The following CDC45 variants were observed in gnomAD, a reference collection of about 807,000 sequenced individuals.
CDC45 encodes cell division cycle 45.
Under a neutral mutation model 77.8 loss-of-function variants are expected in CDC45, and 54 were observed. The ratio of observed to expected loss-of-function variants is 0.69; its 90% CI spans 0.56 to 0.87. CDC45 has a LOEUF of 0.87. Among genes scored for constraint, CDC45 ranks in the 40% least tolerant of loss-of-function variants. The probability of loss-of-function intolerance (pLI) is 0.00; values close to 1 mark genes in which losing one functional copy is unlikely to be tolerated. For synonymous variants in CDC45, 260 were observed against 272.1 expected, an observed-to-expected ratio of 0.96 and a Z score of 0.44; for missense variants, 649 against 721.6, an observed-to-expected ratio of 0.90 and a Z score of 1.15.
intron 10 of CDC45, 48 bp from the exon 11 acceptor site, chr22:19,507,338 C>T (rs2146413384): frequency 6.2e-7 from 1 of 1,600,966 alleles, no homozygotes. Flanking sequence ...TACGAGAGTG[C>T]TCAGGGCGGC....
intron 7 of CDC45, 21 bp downstream of exon 7, chr22:19,496,050 C>T: frequency 6.4e-7 from 1 of 1,556,848 alleles, no homozygotes; most frequent in South Asian, 1.1e-5. Context: ...ATAGGTGGAA[C>T]TCACTATAAA....
rs1162888615 is a variant in CDC45 at position 19,484,000 on chromosome 22, G to C, written c.481G>C (p.Glu161Gln). ...GCCTTCTGAGAAGCGCACACGGTTA[G>C]AAGAGGTGAGTTTGGGTCTCTCACA... ...SEPSEKRTRL[E>Q]EEIVEQTMRR... is the part of the protein sequence containing the mutation. The change falls in exon 5 of 19, where the codon GAA becomes CAA. Residue 161 changes from glutamate (E) to glutamine (Q), a missense_variant. Physicochemically the swap from Glu to Gln is conservative, Grantham distance 29. Transcript: ENST00000263201. The C allele has an allele frequency of 6.3e-7, 1 of 1,598,900 alleles. No homozygotes were observed.
At chr22:19,493,425 TG>T (rs1484348820) in intron 5 of CDC45, among the ~76,000 whole-genome samples, 1 of 59,654 alleles carries the variant, frequency 1.7e-5, no homozygotes, top group African/African-American at 6.7e-5. Context: ...AGTCTTACTT[TG>T]TTTTTTTTTT....
At position 19,518,889 on chromosome 22, in the gene CDC45, T is replaced by A. The variant is rs1237041271; in HGVS notation, c.1682T>A (p.Leu561His). 6.2e-7 allele frequency: 1 copy of A among 1,614,048 alleles called. No homozygotes were observed. Among genetic ancestry groups the A allele is most frequent in the Non-Finnish European group, 8.5e-7 (1 of 1,179,930 alleles). The change falls in exon 18 of 19, where the codon CTT becomes CAT. Residue 561 changes from leucine to histidine, a missense_variant. Physicochemically the swap from Leu to His is moderately conservative, Grantham distance 99 (BLOSUM62 -3). Transcript: ENST00000263201. ...GATCGGAGCAAGTTTCTGGACGCAC[T>A]TATTTCCCTCCTGTCCTAGGGTGAG... ...AEDRSKFLDA[L>H]ISLLS
chr22:19,483,994 C>T lies in CDC45; in HGVS notation c.475C>T (p.Arg159Trp), dbSNP rs373418450. 8.7e-6 allele frequency: 14 copies of T among 1,600,734 alleles called. No homozygotes were observed. The highest frequency in any genetic ancestry group is 1.1e-5 in the Non-Finnish European group (13 of 1,176,904). ...GTCAGAGCCTTCTGAGAAGCGCACA[C>T]GGTTAGAAGAGGTGAGTTTGGGTCT... The part of the protein sequence containing the change: ...DGSEPSEKRT[R>W]LEEEIVEQTM... Residue 159 changes from arginine to tryptophan, a missense_variant, in exon 5 of 19, where the codon CGG becomes TGG. Arg to Trp is a moderately radical substitution (Grantham distance 101). Coordinates refer to ENST00000263201, the MANE Select transcript of CDC45 (RefSeq NM_003504.5).
At chr22:19,481,736 A>G (rs1395955491) in intron 3 of CDC45, among the ~76,000 whole-genome samples, 1 of 151,914 alleles carries the variant, frequency 6.6e-6, no homozygotes, top group African/African-American at 2.4e-5. Flanking sequence ...TCATGGTGCA[A>G]TCTTGGCTCA....
chr22:19,518,524 C>G (rs1018929851), intron 17 of CDC45, among the ~76,000 whole-genome samples: 1 of 152,152 alleles, frequency 6.6e-6, no homozygotes, highest in Non-Finnish European at 1.5e-5. Flanking sequence ...ACTCTGGGGA[C>G]GGGGGTTCAT....
At chr22:19,505,940 G>C (rs563748382) in intron 10 of CDC45, among the ~76,000 whole-genome samples, 2 of 152,318 alleles carry the variant, frequency 1.3e-5, no homozygotes, top group African/African-American at 4.8e-5. Context: ...AGGAGGGGCT[G>C]GGGGACTGGC....
chr22:19,503,474 A>T (rs1302829640), intron 9 of CDC45, among the ~76,000 whole-genome samples: 2 of 152,192 alleles, frequency 1.3e-5, no homozygotes, highest in Admixed American at 6.5e-5. Context: ...AGTTGGGAGG[A>T]ATTACCTCCA....
intron 10 of CDC45, among the ~76,000 whole-genome samples, chr22:19,506,266 G>T (rs902295907): frequency 6.6e-6 from 1 of 152,158 alleles, no homozygotes; most frequent in African/African-American, 2.4e-5. Flanking sequence ...CGGAGCCTGG[G>T]GAGCGGGGTG....
intron 5 of CDC45, among the ~76,000 whole-genome samples, chr22:19,485,919 CA>C (rs1399605128): frequency 6.6e-5 from 10 of 152,172 alleles, no homozygotes; most frequent in African/African-American, 2.4e-4. Flanking sequence ...TCAAAAAAAA[CA>C]AAAACAGTTT....
In CDC45 at chr22:19,511,388, T is replaced by C. The variant is rs62222296; in HGVS notation, c.1217+2697T>C. Among the ~76,000 whole-genome samples, 346 of 148,886 alleles carry C rather than the reference T, an allele frequency of 2.3e-3. 2 individuals carry two copies. Among genetic ancestry groups the C allele is most frequent in the Non-Finnish European group, 3.9e-3 (263 of 67,698 alleles). The stretch of plus-strand genomic sequence containing the variant: ...CTCTGTTGCTCAAGCTGGAGTGCAG[T>C]GGTGCAGTCATGGCTCACTGCAGCC... On this transcript the variant is annotated intron_variant, in intron 13 of 18. Coordinates refer to ENST00000263201, the MANE Select transcript of CDC45 (RefSeq NM_003504.5).
chr22:19,489,818 A>AG (rs2090127716), intron 5 of CDC45, among the ~76,000 whole-genome samples: 1 of 152,156 alleles, frequency 6.6e-6, no homozygotes, highest in Non-Finnish European at 1.5e-5. Flanking sequence ...GGTGGTGTTG[A>AG]GTTCTGTTTG....
At position 19,505,464 on chromosome 22, in the gene CDC45, G is replaced by A. The variant is rs146045191; in HGVS notation, c.807G>A (p.Arg269=). The change falls in exon 10 of 19, where the codon CGG becomes CGA. Residue 269 remains arginine (R), a synonymous_variant. Coordinates refer to ENST00000263201, the MANE Select transcript of CDC45 (RefSeq NM_003504.5). ...ACACACTCTCCGTGGACTGCACACG[G>A]ATCTCCTTTGAGTATGAGTATCCTT... ...EENTLSVDCT[R]ISFEYDLRLV... 109 of 1,614,184 alleles carry A rather than the reference G, an allele frequency of 6.8e-5. No individual in the cohort carries two copies. The African/African-American group carries it at 1.1e-3, about 17-fold the overall frequency.
Position 19,514,784 on chromosome 22 carries a change from T to C in CDC45, c.1253T>C (p.Leu418Pro). Residue 418 changes from leucine (L) to proline (P), a missense_variant, in exon 14 of 19, where the codon CTC (leucine) becomes CCC (proline). Transcript: ENST00000263201. ...NLDKLYHGLE[L>P]AKKQLRATQQ... Reference sequence around the variant, plus strand: ...GACAAGCTGTACCATGGCCTGGAACTCGCCAAGAAGCAGCTGCGAGCCACC... The same window carrying C: ...GACAAGCTGTACCATGGCCTGGAACCCGCCAAGAAGCAGCTGCGAGCCACC... The C allele has an allele frequency of 6.2e-7, 1 of 1,613,884 alleles. No homozygotes were observed. Among genetic ancestry groups the C allele is most frequent in the Non-Finnish European group, 8.5e-7 (1 of 1,179,896 alleles).
chr22:19,480,974 G>C lies in CDC45; in HGVS notation c.133G>C (p.Val45Leu). The change falls in exon 3 of 19, where the codon GTG (valine) becomes CTG (leucine). Residue 45 changes from valine (V) to leucine (L), a missense_variant. Transcript: ENST00000263201. ...ILQALFQCDH[V>L]QYTLVPVSGW... ...CCAGGCCTTGTTCCAGTGTGACCAC[G>C]TGCAATATACGCTGGTTCCAGTTTC... The C allele has an allele frequency of 6.2e-7, 1 of 1,612,732 alleles. No homozygotes were observed. The highest frequency in any genetic ancestry group is 1.1e-5 in the South Asian group (1 of 90,898).
intron 7 of CDC45, 64 bp from the exon 8 acceptor site, chr22:19,497,322 C>A: frequency 6.7e-7 from 1 of 1,488,080 alleles, no homozygotes; most frequent in Non-Finnish European, 9.4e-7. Flanking sequence ...TCCAGTCTGG[C>A]TGCATGGCCC....
chr22:19,517,258 G>C (rs984206285), intron 17 of CDC45, among the ~76,000 whole-genome samples: 1 of 152,198 alleles, frequency 6.6e-6, no homozygotes, highest in Non-Finnish European at 1.5e-5. Context: ...TGAGGGAACA[G>C]CAGGGCCCGT....
intron 9 of CDC45, among the ~76,000 whole-genome samples, chr22:19,504,780 G>A (rs539683630): frequency 1.6e-4 from 25 of 152,248 alleles, no homozygotes; most frequent in South Asian, 6.2e-4. Flanking sequence ...GGACCCAAAG[G>A]AATATCTCAA....
Sources: allele counts gnomAD v4.1 joint callset (sites outside exome capture counted in the v4.1 genomes callset), GRCh38; gene constraint gnomAD v4.1.1; transcripts MANE v1.5; gene names NCBI Gene and HGNC (gene_info 2026-07-23, HGNC 2026-07-21).